Variants in MTSS1 observed in about 807,000 individuals in gnomAD.
MTSS1 encodes the protein protein MTSS 1.
Under a neutral mutation model 79.0 loss-of-function variants are expected in MTSS1, and 18 were observed. The ratio of observed to expected loss-of-function variants is 0.23; its 90% CI spans 0.16 to 0.34. The LOEUF (loss-of-function observed/expected upper bound fraction) is 0.34, where lower values mean the gene tolerates loss of function less well. MTSS1 is among the 10% of genes least tolerant of loss of function. MTSS1 has a pLI of 1.00. For synonymous variants in MTSS1, 341 were observed against 368.6 expected (o/e 0.93, Z 0.86); for missense variants, 815 against 986.2 (o/e 0.83, Z 2.33).
chr8:124,618,043 C>T (rs1329200238), intron 3 of MTSS1, among the ~76,000 whole-genome samples: 1 of 152,176 alleles, frequency 6.6e-6, no homozygotes, highest in Non-Finnish European at 1.5e-5. Flanking sequence ...CTCACCCCTT[C>T]TAAATGGACT....
intron 3 of MTSS1, among the ~76,000 whole-genome samples, chr8:124,645,886 G>A (rs1040665587): frequency 2.6e-5 from 4 of 152,152 alleles, no homozygotes; most frequent in African/African-American, 4.8e-5. Flanking sequence ...TTCAGGGCAC[G>A]AAGGTCTCTC....
At position 124,693,248 on chromosome 8, in the gene MTSS1, G is replaced by A. The variant is rs534797871; in HGVS notation, c.208+6278C>T. Among the ~76,000 whole-genome samples the A allele has an allele frequency of 3.9e-5, 6 of 152,314 alleles. No individual in the cohort carries two copies. The East Asian group carries it at 1.2e-3, about 29-fold the overall frequency. On this transcript the variant is annotated intron_variant, in intron 3 of 13. Transcript: ENST00000518547. ...TTGTGGGTGCAGTTGCCGGCCATGG[G>A]TGGGGAGATGTCATCGGACAGGTGG... is the stretch of plus-strand genomic sequence containing the variant.
Position 124,568,078 on chromosome 8 carries a change from C to G in MTSS1, c.618+301G>C. On this transcript the variant is annotated intron_variant, in intron 7 of 13. Coordinates refer to ENST00000518547, the MANE Select transcript of MTSS1 (RefSeq NM_014751.6). ...GGTCTGGGTTGGGCCCAAGAACTTG[C>G]ATTTCTAGCCAGTTCCCACGTGATG... 4.9e-6 allele frequency: 4 copies of G among 816,510 alleles called. No individual in the cohort carries two copies. The South Asian group carries it at 1.1e-4, about 23-fold the overall frequency. The allele number at this position is 816,510 out of a possible 1,614,324, so 50.6% of individuals were successfully genotyped here. A position where few individuals can be genotyped will look rare whatever the true frequency, so the allele number is the denominator to read the frequency against.
chr8:124,580,384 C>T (rs951739026), intron 6 of MTSS1: 30 of 653,564 alleles, frequency 4.6e-5, no homozygotes, highest in South Asian at 7.9e-5. Flanking sequence ...TAAAACACAA[C>T]GCACACACAA....
chr8:124,684,059 A>G (rs754318174), intron 3 of MTSS1, among the ~76,000 whole-genome samples: 1 of 152,252 alleles, frequency 6.6e-6, no homozygotes, highest in Non-Finnish European at 1.5e-5. Context: ...TTGCAAATGT[A>G]CAATCAGAGT....
chr8:124,573,343 CT>C (rs761183738), intron 6 of MTSS1, among the ~76,000 whole-genome samples: 15 of 152,274 alleles, frequency 9.9e-5, no homozygotes, highest in Non-Finnish European at 2.2e-4. Context: ...CTGCTGTGAA[CT>C]TTCTCCCCAG....
At chr8:124,566,519 T>C (rs1311595910) in intron 8 of MTSS1, among the ~76,000 whole-genome samples, 1 of 152,214 alleles carries the variant, frequency 6.6e-6, no homozygotes, top group Non-Finnish European at 1.5e-5. Context: ...TCTCTTCCCA[T>C]AGTGTGCGTG....
At chr8:124,583,216 C>T (rs1303899169) in intron 6 of MTSS1, among the ~76,000 whole-genome samples, 4 of 152,156 alleles carry the variant, frequency 2.6e-5, no homozygotes, top group Non-Finnish European at 5.9e-5. Context: ...ATCCCAACCT[C>T]CATTCTCTCA....
chr8:124,606,897 T>G (rs1242329970), intron 3 of MTSS1, among the ~76,000 whole-genome samples: 1 of 152,094 alleles, frequency 6.6e-6, no homozygotes, highest in Non-Finnish European at 1.5e-5. Context: ...AGAGGACCCC[T>G]CCTTATTTGC....
At chr8:124,565,392 T>C (rs960646602) in intron 9 of MTSS1, among the ~76,000 whole-genome samples, 5 of 152,236 alleles carry the variant, frequency 3.3e-5, no homozygotes, top group African/African-American at 4.8e-5. Context: ...AAATGTGATC[T>C]CATAGAATAG....
chr8:124,675,937 T>A (rs549235901), intron 3 of MTSS1, among the ~76,000 whole-genome samples: 1 of 152,352 alleles, frequency 6.6e-6, no homozygotes, highest in South Asian at 2.1e-4. Flanking sequence ...ACGAATAATG[T>A]TGCGGTAGAC....
intron 3 of MTSS1, among the ~76,000 whole-genome samples, chr8:124,616,747 C>T (rs796651265): frequency 6.6e-5 from 10 of 152,298 alleles, no homozygotes; most frequent in African/African-American, 2.4e-4. Flanking sequence ...CAGAACTAAG[C>T]CCTTCTCAAT....
At chr8:124,719,071 C>T (rs1181794574) in intron 1 of MTSS1, among the ~76,000 whole-genome samples, 2 of 152,132 alleles carry the variant, frequency 1.3e-5, no homozygotes, top group Non-Finnish European at 1.5e-5. Flanking sequence ...ATCTAAAATG[C>T]TAGGCTGCAA....
At chr8:124,654,882 A>C (rs1820652351) in intron 3 of MTSS1, among the ~76,000 whole-genome samples, 1 of 152,220 alleles carries the variant, frequency 6.6e-6, no homozygotes, top group African/African-American at 2.4e-5. Context: ...AGATAATTTC[A>C]ATAACTTGCC....
chr8:124,599,501 AAGAG>A (rs1366593885), intron 3 of MTSS1, among the ~76,000 whole-genome samples: 1 of 145,044 alleles, frequency 6.9e-6, no homozygotes, highest in African/African-American at 2.6e-5. Flanking sequence ...AAAAAAAAAA[AAGAG>A]AGAGAGAAAG....
chr8:124,556,525 G>C, intron 11 of MTSS1, 120 bp from the exon 12 acceptor site: 4 of 1,160,018 alleles, frequency 3.4e-6, no homozygotes, highest in Non-Finnish European at 3.6e-6. Context: ...CCTCCGGCTG[G>C]GACAAGCCAC....
chr8:124,589,773 T>A, intron 4 of MTSS1, 62 bp from the exon 5 acceptor site: 1 of 1,203,926 alleles, frequency 8.3e-7, no homozygotes, highest in Non-Finnish European at 1.2e-6. Flanking sequence ...TGTCAGGATT[T>A]AAATGTGGTT....
At chr8:124,696,275 C>A (rs13249761) in intron 3 of MTSS1, among the ~76,000 whole-genome samples, 54,579 of 151,848 alleles carry the variant, frequency 0.36, 10,517 homozygotes, top group Non-Finnish European at 0.41. Flanking sequence ...GTGTGAGCCA[C>A]TGCGCCCAGC....
chr8:124,555,608 C>T, intron 13 of MTSS1, 134 bp downstream of exon 13: 1 of 1,148,024 alleles, frequency 8.7e-7, no homozygotes, highest in Non-Finnish European at 1.2e-6. Flanking sequence ...AAAGCATTCC[C>T]AGATGACGAA....
Sources: allele counts gnomAD v4.1 joint callset (sites outside exome capture counted in the v4.1 genomes callset), GRCh38; gene constraint gnomAD v4.1.1; transcripts MANE v1.5; gene names NCBI Gene and HGNC (gene_info 2026-07-23, HGNC 2026-07-21).